RANBP2: variants seen among roughly 807,000 people sequenced by gnomAD.
RANBP2 encodes RAN binding protein 2.
A neutral mutation model predicts 303.6 loss-of-function variants in RANBP2; 57 were observed. That is an observed-to-expected ratio of 0.19 (90% CI 0.15 to 0.23). The LOEUF (loss-of-function observed/expected upper bound fraction) is 0.23, where lower values mean the gene tolerates loss of function less well. Ranked by LOEUF, RANBP2 falls within the 10% of genes least tolerant of loss-of-function variation. RANBP2 has a pLI of 1.00. For missense variants in RANBP2, 3,138 were observed against 3,780.8 expected (o/e 0.83, Z 4.46); for synonymous variants, 1,167 against 1,301.5 (o/e 0.90, Z 2.23).
At chr2:109,491,101 G>A in the RANBP2 span, among the ~76,000 whole-genome samples, 2 of 152,230 alleles carry the variant, frequency 1.3e-5, no homozygotes, top group East Asian at 3.9e-4. Context: ...GGTGAGTGCT[G>A]GATGAAACGA....
the RANBP2 span, among the ~76,000 whole-genome samples, chr2:108,937,829 G>T: frequency 6.6e-6 from 1 of 152,196 alleles, no homozygotes; most frequent in Non-Finnish European, 1.5e-5. Flanking sequence ...CCTGCGGGGA[G>T]AGGCACAGAT....
At position 108,741,187 on chromosome 2, in the gene RANBP2, T is replaced by C. The variant is rs559654207; in HGVS notation, c.975+506T>C. Among the ~76,000 whole-genome samples the C allele has an allele frequency of 2.3e-4, 35 of 152,140 alleles. 1 individual carries two copies. Among genetic ancestry groups the C allele is most frequent in the African/African-American group, 8.2e-4 (34 of 41,508 alleles). ...TATTAATCTTTGAAAACATAAAACC[T>C]TTTCTTAATTTTTATTTTTTTATTT... On this transcript the variant is annotated intron_variant, in intron 7 of 28. Transcript: ENST00000283195.
chr2:108,815,753 A>C, the RANBP2 span, among the ~76,000 whole-genome samples: 5 of 152,108 alleles, frequency 3.3e-5, no homozygotes, highest in South Asian at 1.0e-3. Context: ...GGCTTGAGCC[A>C]CTGCGCCAGG....
chr2:108,975,655 G>C, the RANBP2 span, among the ~76,000 whole-genome samples: 1 of 152,156 alleles, frequency 6.6e-6, no homozygotes, highest in Non-Finnish European at 1.5e-5. Flanking sequence ...GGGAACAGGG[G>C]TGCGGTCTGG....
chr2:108,836,629 T>C, the RANBP2 span, among the ~76,000 whole-genome samples: 6,282 of 152,304 alleles, frequency 0.041, 437 homozygotes, highest in African/African-American at 0.14. Context: ...AGAGATGACA[T>C]TGAATCTGTA....
At chr2:109,709,987 T>TGAGAC in the RANBP2 span, among the ~76,000 whole-genome samples, 1 of 151,316 alleles carries the variant, frequency 6.6e-6, no homozygotes, top group Non-Finnish European at 1.5e-5. Flanking sequence ...CTTAGGAGGC[T>TGAGAC]GAGACAGGAG....
chr2:109,599,458 C>CAA, the RANBP2 span, among the ~76,000 whole-genome samples: 321 of 63,266 alleles, frequency 5.1e-3, 1 homozygote, highest in Non-Finnish European at 5.7e-3. Flanking sequence ...ACTCAGTCTC[C>CAA]AAAAAAAAAA....
At chr2:108,925,506 G>C in the RANBP2 span, among the ~76,000 whole-genome samples, 1 of 152,216 alleles carries the variant, frequency 6.6e-6, no homozygotes, top group Non-Finnish European at 1.5e-5. Context: ...CTTGTCCTGG[G>C]CACGAGGCAC....
At chr2:109,129,808 C>G in the RANBP2 span, 1 of 1,538,316 alleles carries the variant, frequency 6.5e-7, no homozygotes, top group Non-Finnish European at 8.7e-7. Flanking sequence ...GTGCTCGCGC[C>G]ACGAGCTGCG....
intron 25 of RANBP2, among the ~76,000 whole-genome samples, chr2:108,780,419 C>T (rs149324533): frequency 0.021 from 3,002 of 145,170 alleles, 97 homozygotes; most frequent in African/African-American, 0.074. Flanking sequence ...GGCTGGAGTG[C>T]AGTGGGGCGG....
At chr2:109,235,676 C>T in the RANBP2 span, among the ~76,000 whole-genome samples, 27 of 152,280 alleles carry the variant, frequency 1.8e-4, 1 homozygote, top group East Asian at 2.9e-3. Flanking sequence ...GGAGAGTGTA[C>T]GTGTCTACCA....
the RANBP2 span, among the ~76,000 whole-genome samples, chr2:109,331,601 C>A: frequency 6.6e-6 from 1 of 152,202 alleles, no homozygotes; most frequent in Non-Finnish European, 1.5e-5. Flanking sequence ...CTTCACTATA[C>A]TACGTACTTT....
chr2:108,869,178 T>A, the RANBP2 span, among the ~76,000 whole-genome samples: 2 of 152,082 alleles, frequency 1.3e-5, no homozygotes, highest in African/African-American at 4.8e-5. Flanking sequence ...ACAGACAGAC[T>A]AAAATAACTT....
At chr2:109,422,178 G>A in the RANBP2 span, among the ~76,000 whole-genome samples, 6 of 152,162 alleles carry the variant, frequency 3.9e-5, no homozygotes, top group Non-Finnish European at 5.9e-5. Context: ...ATGTGCTGTC[G>A]TTGCAAAAAC....
the RANBP2 span, among the ~76,000 whole-genome samples, chr2:108,853,430 A>G: frequency 6.6e-6 from 1 of 152,300 alleles, no homozygotes; most frequent in South Asian, 2.1e-4. Flanking sequence ...TTTAATTAAT[A>G]AAACCTTCAA....
chr2:108,851,791 A>G, the RANBP2 span, among the ~76,000 whole-genome samples: 1 of 152,138 alleles, frequency 6.6e-6, no homozygotes, highest in East Asian at 1.9e-4. Context: ...GGCCTAACAC[A>G]CCCAACATCA....
the RANBP2 span, among the ~76,000 whole-genome samples, chr2:109,440,293 A>G: frequency 6.6e-6 from 1 of 152,202 alleles, no homozygotes; most frequent in Non-Finnish European, 1.5e-5. Context: ...AAGGGGAAGC[A>G]TGGGGAGCTC....
chr2:109,381,817 A>G, the RANBP2 span, among the ~76,000 whole-genome samples: 1 of 152,248 alleles, frequency 6.6e-6, no homozygotes, highest in Non-Finnish European at 1.5e-5. Flanking sequence ...GGTCTGTGTT[A>G]CATAGTAGAA....
chr2:108,839,982 T>C, the RANBP2 span, among the ~76,000 whole-genome samples: 1 of 152,112 alleles, frequency 6.6e-6, no homozygotes, highest in Non-Finnish European at 1.5e-5. Context: ...CATTACTAAG[T>C]ATAATATTAG....
Sources: gnomAD v4.1 joint callset for allele counts (sites outside exome capture counted in the v4.1 genomes callset) on GRCh38, gnomAD v4.1.1 for gene constraint, MANE v1.5 for transcripts, NCBI Gene and HGNC (gene_info 2026-07-23, HGNC 2026-07-21) for gene names.